RBMS3: variants seen among roughly 807,000 people sequenced by gnomAD.
RBMS3 encodes the protein RNA binding motif single stranded interacting protein 3, also known as RNA-binding motif, single-stranded-interacting protein 3.
A neutral mutation model predicts 66.8 loss-of-function variants in RBMS3; 27 were observed. The ratio of observed to expected loss-of-function variants is 0.40; its 90% CI spans 0.30 to 0.56. The LOEUF (loss-of-function observed/expected upper bound fraction) is 0.56. Ranked by LOEUF, RBMS3 falls within the 20% of genes least tolerant of loss-of-function variation. The pLI is 0.40. For missense variants in RBMS3, 513 were observed against 549.5 expected (o/e 0.93, Z 0.66); for synonymous variants, 188 against 183.0 (o/e 1.03, Z -0.22).
intron 11 of RBMS3, among the ~76,000 whole-genome samples, chr3:29,938,412 C>T (rs1166321930): frequency 2.0e-5 from 3 of 151,696 alleles, no homozygotes; most frequent in African/African-American, 7.3e-5. Flanking sequence ...TACATTTGTT[C>T]TAAATAATGC....
chr3:29,997,911 C>T (rs1194320481), intron 14 of RBMS3, among the ~76,000 whole-genome samples: 1 of 152,170 alleles, frequency 6.6e-6, no homozygotes, highest in Non-Finnish European at 1.5e-5. Flanking sequence ...GTTGGAAGTT[C>T]TGGCCAGGGC....
intron 8 of RBMS3, among the ~76,000 whole-genome samples, chr3:29,890,670 A>T (rs574044964): frequency 4.6e-5 from 7 of 151,744 alleles, no homozygotes; most frequent in African/African-American, 1.7e-4. Context: ...ATACAATTGT[A>T]ATAGGAGATA....
intron 1 of RBMS3, among the ~76,000 whole-genome samples, chr3:29,296,003 G>C (rs1357219983): frequency 6.6e-6 from 1 of 151,708 alleles, no homozygotes; most frequent in Non-Finnish European, 1.5e-5. Flanking sequence ...TGACAGGATT[G>C]TACTCTTCCT....
At chr3:29,949,078 A>G (rs899329525) in intron 12 of RBMS3, among the ~76,000 whole-genome samples, 1 of 151,608 alleles carries the variant, frequency 6.6e-6, no homozygotes, top group Non-Finnish European at 1.5e-5. Context: ...GCTAAATTAT[A>G]AAAATTGAAT....
At chr3:29,750,100 C>T (rs7623081) in intron 5 of RBMS3, among the ~76,000 whole-genome samples, 70,453 of 152,000 alleles carry the variant, frequency 0.46, 17,538 homozygotes, top group African/African-American at 0.64. Flanking sequence ...AAAATCATTT[C>T]AGTCCTCTAT....
At chr3:29,974,960 A>G (rs1456391115) in intron 12 of RBMS3, among the ~76,000 whole-genome samples, 3 of 141,268 alleles carry the variant, frequency 2.1e-5, no homozygotes, top group African/African-American at 7.7e-5. Flanking sequence ...TATATAAAAT[A>G]CGTTTCTATA....
intron 1 of RBMS3, among the ~76,000 whole-genome samples, chr3:29,423,346 T>C (rs1316829356): frequency 2.6e-5 from 4 of 152,204 alleles, no homozygotes; most frequent in Non-Finnish European, 5.9e-5. Context: ...ATACACCTTT[T>C]CCCCTCAAAT....
At chr3:29,603,820 T>A (rs186114570) in intron 4 of RBMS3, among the ~76,000 whole-genome samples, 1 of 152,004 alleles carries the variant, frequency 6.6e-6, no homozygotes, top group East Asian at 1.9e-4. Context: ...CTGGCCACTA[T>A]GTTAATACTG....
chr3:29,462,237 C>T (rs547072539), intron 2 of RBMS3, among the ~76,000 whole-genome samples: 44 of 152,210 alleles, frequency 2.9e-4, no homozygotes, highest in Non-Finnish European at 5.4e-4. Context: ...TCTAATTTCT[C>T]TACAGACCCT....
chr3:29,870,628 A>C (rs2059468022), intron 7 of RBMS3, among the ~76,000 whole-genome samples: 1 of 152,208 alleles, frequency 6.6e-6, no homozygotes, highest in Non-Finnish European at 1.5e-5. Flanking sequence ...TTTGCTTCAA[A>C]GCATGAAAAA....
chr3:29,975,519 C>A (rs189876076), intron 12 of RBMS3, among the ~76,000 whole-genome samples: 11 of 151,824 alleles, frequency 7.2e-5, no homozygotes, highest in African/African-American at 2.7e-4. Context: ...TGAGTGAGAT[C>A]AATCATGTTT....
intron 2 of RBMS3, among the ~76,000 whole-genome samples, chr3:29,475,108 G>T (rs966660826): frequency 6.6e-6 from 1 of 152,068 alleles, no homozygotes; most frequent in Non-Finnish European, 1.5e-5. Flanking sequence ...GTAATGAAAG[G>T]TTTATTAAGG....
chr3:29,434,203 G>A (rs114892239), intron 1 of RBMS3, among the ~76,000 whole-genome samples: 5,761 of 152,148 alleles, frequency 0.038, 169 homozygotes, highest in Non-Finnish European at 0.055. Flanking sequence ...GAGCTAAGAT[G>A]GTTTCATTCA....
chr3:29,397,297 G>A (rs922333409), intron 1 of RBMS3, among the ~76,000 whole-genome samples: 57 of 152,072 alleles, frequency 3.7e-4, no homozygotes, highest in African/African-American at 1.4e-3. Flanking sequence ...TCATAATATA[G>A]CATGGTTTAG....
At chr3:29,506,246 CATTCCTTCTATACCTAATTTGTTGAG>C (rs1249944073) in intron 3 of RBMS3, among the ~76,000 whole-genome samples, 9 of 151,722 alleles carry the variant, frequency 5.9e-5, no homozygotes, top group Non-Finnish European at 1.0e-4. Flanking sequence ...TATTGAGATA[CATTCCTTCTATACCTAATTTGTTGAG>C]ATTTTTTATC....
intron 1 of RBMS3, among the ~76,000 whole-genome samples, chr3:29,424,263 C>T (rs12629616): frequency 0.11 from 16,075 of 152,166 alleles, 1,162 homozygotes; most frequent in East Asian, 0.29. Context: ...TGACCATACA[C>T]CCTGATTTGC....
chr3:29,895,428 T>C (rs1226900344), intron 8 of RBMS3, among the ~76,000 whole-genome samples: 1 of 151,458 alleles, frequency 6.6e-6, no homozygotes, highest in Non-Finnish European at 1.5e-5. Flanking sequence ...TCATTTGGAA[T>C]CAACCCCTTC....
intron 3 of RBMS3, among the ~76,000 whole-genome samples, chr3:29,509,926 G>A (rs1001645749): frequency 6.6e-6 from 1 of 152,174 alleles, no homozygotes; most frequent in African/African-American, 2.4e-5. Flanking sequence ...ATGTCTAAAA[G>A]AATAAAATGA....
At chr3:29,564,990 A>T (rs550053838) in intron 3 of RBMS3, among the ~76,000 whole-genome samples, 2 of 152,244 alleles carry the variant, frequency 1.3e-5, no homozygotes, top group African/African-American at 4.8e-5. Flanking sequence ...AGTTTCCTTT[A>T]GATTTTTTCA....
Sources: gnomAD v4.1 joint callset for allele counts (sites outside exome capture counted in the v4.1 genomes callset) on GRCh38, gnomAD v4.1.1 for gene constraint, MANE v1.5 for transcripts, NCBI Gene and HGNC (gene_info 2026-07-23, HGNC 2026-07-21) for gene names.